Variants in IARS1 observed in about 807,000 individuals in gnomAD.
The protein encoded by IARS1 is isoleucine--tRNA ligase, cytoplasmic.
IARS1 carries 124 observed loss-of-function variants against 168.2 expected under a neutral mutation model. The ratio of observed to expected loss-of-function variants is 0.74; its 90% confidence interval spans 0.64 to 0.86. IARS1 has a LOEUF of 0.86. Ranked by LOEUF, IARS1 falls within the 40% of genes least tolerant of loss-of-function variation. IARS1 has a pLI of 0.00. For synonymous variants in IARS1, 532 were observed against 529.4 expected (o/e 1.00, Z -0.07); for missense variants, 1,452 against 1,515.8 (o/e 0.96, Z 0.70).
At chr9:92,251,043 C>A in intron 22 of IARS1, 2 of 607,450 alleles carry the variant, frequency 3.3e-6, no homozygotes, top group Non-Finnish European at 6.1e-6. Context: ...AAACCCAAAG[C>A]ACCTCTAGAA....
intron 6 of IARS1, among the ~76,000 whole-genome samples, chr9:92,283,169 T>C (rs947008773): frequency 2.6e-5 from 4 of 152,180 alleles, no homozygotes; most frequent in Non-Finnish European, 4.4e-5. Flanking sequence ...ACAGACCGCG[T>C]AGAATAGAGG....
intron 7 of IARS1, 99 bp downstream of exon 7, chr9:92,280,647 T>C: frequency 2.9e-6 from 2 of 680,642 alleles, no homozygotes; most frequent in South Asian, 6.2e-5. Context: ...TTTCAAATAA[T>C]TCTATTCTTC....
intron 33 of IARS1, among the ~76,000 whole-genome samples, chr9:92,218,802 C>T (rs1437870418): frequency 3.3e-5 from 5 of 149,414 alleles, no homozygotes; most frequent in Admixed American, 2.7e-4. Flanking sequence ...ACATTCCATG[C>T]TCATGGGTAG....
chr9:92,250,440 T>C, intron 23 of IARS1, 151 bp from the exon 24 acceptor site: 1 of 660,770 alleles, frequency 1.5e-6, no homozygotes. Context: ...GCGCAGTGCC[T>C]ACCACTCAGC....
chr9:92,277,713 C>A, intron 9 of IARS1, 150 bp downstream of exon 9: 2 of 580,460 alleles, frequency 3.4e-6, no homozygotes, highest in Non-Finnish European at 5.9e-6. Flanking sequence ...AAGAAAGCTA[C>A]ACAAACAATT....
At chr9:92,250,077 T>G (rs1829787293) in intron 24 of IARS1, 110 bp downstream of exon 24, 2 of 864,370 alleles carry the variant, frequency 2.3e-6, no homozygotes, top group Admixed American at 3.7e-5. Context: ...ACACCCTCAC[T>G]GCAGAAAAGG....
At chr9:92,210,935 T>C (rs200889784) in intron 33 of IARS1, 46 bp from the exon 34 acceptor site, 19 of 1,229,104 alleles carry the variant, frequency 1.5e-5, no homozygotes, top group East Asian at 2.3e-5. Context: ...ATTTTACCTA[T>C]TGGGGGTGAA....
At chr9:92,245,539 T>G (rs1251653286) in intron 26 of IARS1, among the ~76,000 whole-genome samples, 1 of 152,200 alleles carries the variant, frequency 6.6e-6, no homozygotes, top group East Asian at 1.9e-4. Flanking sequence ...CTGAGCATCA[T>G]GCCTGTTCAG....
At chr9:92,272,239 C>T (rs1048951104) in intron 10 of IARS1, among the ~76,000 whole-genome samples, 1 of 152,186 alleles carries the variant, frequency 6.6e-6, no homozygotes, top group African/African-American at 2.4e-5. Context: ...GTTGGTGAAA[C>T]CACACTCTGG....
intron 30 of IARS1, among the ~76,000 whole-genome samples, chr9:92,235,036 C>A (rs1827279541): frequency 6.6e-6 from 1 of 152,050 alleles, no homozygotes; most frequent in African/African-American, 2.4e-5. Context: ...AGGGTTTCAC[C>A]ATGTTGGCCG....
At chr9:92,279,761 C>T (rs1834272963) in intron 7 of IARS1, among the ~76,000 whole-genome samples, 1 of 152,146 alleles carries the variant, frequency 6.6e-6, no homozygotes. Flanking sequence ...TTTCATTTTC[C>T]TATACTGAAA....
intron 31 of IARS1, among the ~76,000 whole-genome samples, chr9:92,227,428 C>A (rs1411900292): frequency 1.4e-5 from 2 of 142,586 alleles, no homozygotes; most frequent in African/African-American, 2.7e-5. Flanking sequence ...GCTGGCCGGG[C>A]GGGGGGCTGA....
chr9:92,271,172 C>T, intron 11 of IARS1, 96 bp from the exon 12 acceptor site: 1 of 661,458 alleles, frequency 1.5e-6, no homozygotes, highest in Non-Finnish European at 2.5e-6. Flanking sequence ...GAATAAAAGG[C>T]ACAAATAACA....
At chr9:92,273,144 A>C (rs1419938680) in intron 10 of IARS1, among the ~76,000 whole-genome samples, 2 of 151,718 alleles carry the variant, frequency 1.3e-5, no homozygotes, top group African/African-American at 4.8e-5. Context: ...AAAAAAAAAA[A>C]AAAAACCCCT....
At chr9:92,221,654 G>A (rs754234436) in intron 33 of IARS1, among the ~76,000 whole-genome samples, 7 of 152,200 alleles carry the variant, frequency 4.6e-5, no homozygotes, top group South Asian at 4.1e-4. Context: ...GTGGGAGAAC[G>A]GGAGGAGGAG....
chr9:92,228,299 AG>A (rs1826082618), intron 31 of IARS1, among the ~76,000 whole-genome samples: 1 of 151,632 alleles, frequency 6.6e-6, no homozygotes, highest in East Asian at 1.9e-4. Context: ...TTTTTTTTTC[AG>A]AGGTCACAAT....
rs1832164242 is a variant in IARS1 at position 92,265,529 on chromosome 9, C to T, written c.1456G>A (p.Glu486Lys). ...TTTGCTCCTGACAGTTCTTCAAGTT[C>T]CGCCACTGACCCAATGCATACCACC... ...EEVVCIGSVA[E>K]LEELSGAKIS... The change falls in exon 15 of 34, where the codon GAA (glutamate) becomes AAA (lysine). Residue 486 changes from glutamate to lysine, a missense_variant. Coordinates refer to ENST00000443024, the MANE Select transcript of IARS1 (RefSeq NM_002161.6). 6.2e-7 allele frequency: 1 copy of T among 1,614,098 alleles called. No individual in the cohort carries two copies. The highest frequency in any genetic ancestry group is 8.5e-7 in the Non-Finnish European group (1 of 1,180,000).
chr9:92,293,151 A>G (rs1836650762), intron 1 of IARS1, among the ~76,000 whole-genome samples: 1 of 152,230 alleles, frequency 6.6e-6, no homozygotes, highest in Non-Finnish European at 1.5e-5. Flanking sequence ...CAATTTAGTT[A>G]TATCCTATTA....
At chr9:92,255,190 C>A (rs1830550535) in intron 20 of IARS1, among the ~76,000 whole-genome samples, 1 of 152,206 alleles carries the variant, frequency 6.6e-6, no homozygotes, top group Non-Finnish European at 1.5e-5. Flanking sequence ...ACATGTTTAA[C>A]AAGGTGGACA....
Sources: gnomAD v4.1 joint callset for allele counts (sites outside exome capture counted in the v4.1 genomes callset) on GRCh38, gnomAD v4.1.1 for gene constraint, MANE v1.5 for transcripts, NCBI Gene and HGNC (gene_info 2026-07-23, HGNC 2026-07-21) for gene names.